PCSK6: variants seen among roughly 807,000 people sequenced by gnomAD.
PCSK6 encodes proprotein convertase subtilisin/kexin type 6, also known as paired basic amino acid cleaving enzyme 4.
A neutral mutation model predicts 123.3 loss-of-function variants in PCSK6; 85 were observed. The observed-to-expected ratio is 0.69, with a 90% CI of 0.58 to 0.83. The LOEUF is 0.83. Among genes scored for constraint, PCSK6 ranks in the 40% least tolerant of loss-of-function variants. The pLI, the probability that PCSK6 is intolerant of heterozygous loss-of-function variation, is 0.00. For missense variants in PCSK6, 1,191 were observed against 1,282.3 expected (o/e 0.93, Z 1.09); for synonymous variants, 508 against 516.0 (o/e 0.98, Z 0.21).
At chr15:101,431,527 G>T in intron 3 of PCSK6, 64 bp from the exon 4 acceptor site, 2 of 1,599,184 alleles carry the variant, frequency 1.3e-6, no homozygotes, top group Non-Finnish European at 8.5e-7. Flanking sequence ...ACTGACACTC[G>T]GTGCACACCC....
intron 1 of PCSK6, among the ~76,000 whole-genome samples, chr15:101,476,827 T>C (rs2057743915): frequency 6.6e-6 from 1 of 152,172 alleles, no homozygotes; most frequent in African/African-American, 2.4e-5. Flanking sequence ...ATTTTTTAAA[T>C]AAAAATGCTC....
At chr15:101,382,252 C>T (rs762249277) in intron 10 of PCSK6, 43 bp from the exon 11 acceptor site, 15 of 1,436,502 alleles carry the variant, frequency 1.0e-5, no homozygotes, top group Non-Finnish European at 1.4e-5. Flanking sequence ...CCTGCCTCTC[C>T]CAGGAAGGGA....
At chr15:101,467,778 A>C (rs941006725) in intron 1 of PCSK6, among the ~76,000 whole-genome samples, 2 of 152,196 alleles carry the variant, frequency 1.3e-5, no homozygotes, top group Non-Finnish European at 2.9e-5. Flanking sequence ...AATACCCCAC[A>C]CAGTACATCA....
At chr15:101,410,139 T>C (rs1012109610) in intron 6 of PCSK6, among the ~76,000 whole-genome samples, 2 of 152,220 alleles carry the variant, frequency 1.3e-5, no homozygotes, top group African/African-American at 4.8e-5. Flanking sequence ...CACTATGTTG[T>C]TGAGGCTGGT....
intron 15 of PCSK6, among the ~76,000 whole-genome samples, chr15:101,329,991 T>A (rs1596190508): frequency 6.6e-6 from 1 of 152,290 alleles, no homozygotes; most frequent in Middle Eastern, 3.4e-3. Flanking sequence ...TGAATCCCAG[T>A]CTCTGGGCGG....
chr15:101,414,714 A>G (rs2055824959), intron 6 of PCSK6, among the ~76,000 whole-genome samples: 1 of 152,182 alleles, frequency 6.6e-6, no homozygotes, highest in Non-Finnish European at 1.5e-5. Context: ...CTAACCAGCA[A>G]AAGGCAGGTA....
At chr15:101,480,759 G>A (rs1040025517) in intron 1 of PCSK6, among the ~76,000 whole-genome samples, 2 of 152,248 alleles carry the variant, frequency 1.3e-5, no homozygotes, top group Non-Finnish European at 2.9e-5. Context: ...TCAGATCAGT[G>A]TGGAGCTGAC....
chr15:101,459,517 C>A (rs911783945), intron 1 of PCSK6, among the ~76,000 whole-genome samples: 1 of 146,126 alleles, frequency 6.8e-6, no homozygotes, highest in African/African-American at 2.5e-5. Flanking sequence ...CCCGTCCCCC[C>A]ACCCTAAGTC....
rs372407757 is a variant in PCSK6, at chr15:101,331,698, G to A, written c.2039-9C>T. The A allele has an allele frequency of 4.6e-4, 735 of 1,612,040 alleles. 1 individual carries two copies. Among genetic ancestry groups the A allele is most frequent in the Non-Finnish European group, 5.7e-4 (678 of 1,179,254 alleles). Reference sequence around the variant, plus strand: ...GCCTGGGGTGGATTGAGCTGTGTGAGTGCAAATTGCCATGATTATTATGAC... The same window carrying A: ...GCCTGGGGTGGATTGAGCTGTGTGAATGCAAATTGCCATGATTATTATGAC... On this transcript the variant is annotated splice_polypyrimidine_tract_variant and intron_variant, in intron 14 of 21. Coordinates refer to ENST00000611716, the MANE Select transcript of PCSK6 (RefSeq NM_002570.5).
intron 13 of PCSK6, among the ~76,000 whole-genome samples, chr15:101,337,579 G>C (rs1296281659): frequency 6.6e-6 from 1 of 152,102 alleles, no homozygotes; most frequent in Non-Finnish European, 1.5e-5. Context: ...TGTATTTCTT[G>C]CATAGTTGAA....
intron 4 of PCSK6, among the ~76,000 whole-genome samples, chr15:101,430,719 TTTAC>T: frequency 6.6e-6 from 1 of 152,360 alleles, no homozygotes; most frequent in East Asian, 1.9e-4. Context: ...TACAATATGG[TTTAC>T]TTAATCACCG....
intron 7 of PCSK6, among the ~76,000 whole-genome samples, chr15:101,395,675 C>G (rs1156393946): frequency 6.6e-6 from 1 of 152,218 alleles, no homozygotes; most frequent in African/African-American, 2.4e-5. Context: ...CAACCCTAGC[C>G]ATGAACTTGC....
At chr15:101,354,305 C>T (rs780408426) in intron 13 of PCSK6, among the ~76,000 whole-genome samples, 2 of 152,312 alleles carry the variant, frequency 1.3e-5, no homozygotes, top group African/African-American at 2.4e-5. Context: ...TACAAGCCCA[C>T]ATACACACAT....
chr15:101,465,383 T>C lies in PCSK6; in HGVS notation c.298-21723A>G, dbSNP rs150387529. 8.3e-4 allele frequency among the ~76,000 whole-genome samples: 127 copies of C among 152,336 alleles called. 2 individuals carry two copies. In the East Asian group the frequency reaches 0.021, roughly 25 times the overall value. On this transcript the variant is annotated intron_variant, in intron 1 of 21. Coordinates refer to ENST00000611716, the MANE Select transcript of PCSK6 (RefSeq NM_002570.5). ...AGCTGGGTGGAAACAGCACGTCTTGTTCTGCTCATGGAAACAGGACCATCT... is the reference window on the plus strand; with the variant it reads ...AGCTGGGTGGAAACAGCACGTCTTGCTCTGCTCATGGAAACAGGACCATCT...
Position 101,365,481 on chromosome 15 carries a change from T to A in PCSK6, c.1858+715A>T, listed in dbSNP as rs78455372. Among the ~76,000 whole-genome samples the A allele has an allele frequency of 9.6e-3, 1,462 of 152,278 alleles. 26 individuals are homozygous for A. The highest frequency in any genetic ancestry group is 0.032 in the African/African-American group (1,350 of 41,552). ...CCGGAATGTAAAAGGGTGCAGCCAA[T>A]GTGGAAGACAGTTTGGCTGTTCCTC... On this transcript the variant is annotated intron_variant, in intron 13 of 21. Transcript: ENST00000611716.
chr15:101,320,021 G>A (rs1190762291), intron 18 of PCSK6, among the ~76,000 whole-genome samples: 1 of 152,132 alleles, frequency 6.6e-6, no homozygotes. Flanking sequence ...GCAGTCTTGG[G>A]CTGAGCCCTC....
intron 1 of PCSK6, among the ~76,000 whole-genome samples, chr15:101,457,456 C>T (rs1489810007): frequency 2.0e-5 from 3 of 152,170 alleles, no homozygotes; most frequent in Admixed American, 2.0e-4. Context: ...CCCCAGCCTC[C>T]CAGGGCGCAG....
chr15:101,321,577 T>TAA (rs1240925988), intron 18 of PCSK6, among the ~76,000 whole-genome samples: 3 of 152,256 alleles, frequency 2.0e-5, no homozygotes, highest in African/African-American at 7.2e-5. Context: ...TAAGTTTTCT[T>TAA]CCTTTGTTCT....
intron 1 of PCSK6, among the ~76,000 whole-genome samples, chr15:101,451,372 C>T (rs2057030226): frequency 6.6e-6 from 1 of 152,096 alleles, no homozygotes; most frequent in African/African-American, 2.4e-5. Flanking sequence ...CTCGAGCAGG[C>T]TGCGTTGTTG....
Sources: gnomAD v4.1 joint callset for allele counts (sites outside exome capture counted in the v4.1 genomes callset) on GRCh38, gnomAD v4.1.1 for gene constraint, MANE v1.5 for transcripts, NCBI Gene and HGNC (gene_info 2026-07-23, HGNC 2026-07-21) for gene names.